The following PDZD2 variants were observed in gnomAD, a reference collection of about 807,000 sequenced individuals.
PDZD2 encodes the protein PDZ domain containing 2, also known as PDZ domain-containing protein 2.
PDZD2 carries 90 observed loss-of-function variants against 220.7 expected under a neutral mutation model. The ratio of observed to expected loss-of-function variants is 0.41; its 90% confidence interval spans 0.34 to 0.49. The LOEUF (loss-of-function observed/expected upper bound fraction) is 0.49. Ranked by LOEUF, PDZD2 falls within the 20% of genes least tolerant of loss-of-function variation. PDZD2 has a pLI of 0.28. For synonymous variants in PDZD2, 1,375 were observed against 1,450.5 expected, an observed-to-expected ratio of 0.95 and a Z score of 1.18; for missense variants, 3,174 against 3,608.5, an observed-to-expected ratio of 0.88 and a Z score of 3.08.
At chr5:31,661,785 G>GTT (rs5867089) in intron 1 of PDZD2, among the ~76,000 whole-genome samples, 11,428 of 141,766 alleles carry the variant, frequency 0.081, 684 homozygotes, top group African/African-American at 0.17. Flanking sequence ...TCCTCCCTTG[G>GTT]TTTTTTTTTT....
intron 6 of PDZD2, among the ~76,000 whole-genome samples, chr5:32,027,945 G>A (rs867207021): frequency 2.7e-5 from 4 of 148,274 alleles, no homozygotes; most frequent in East Asian, 2.0e-4. Context: ...AAGGGAAATC[G>A]CTGCGTTCCA....
intron 1 of PDZD2, among the ~76,000 whole-genome samples, chr5:31,647,810 A>T (rs888976124): frequency 6.6e-6 from 1 of 152,214 alleles, no homozygotes; most frequent in African/African-American, 2.4e-5. Flanking sequence ...TCAACACAGT[A>T]CAACCCCTTT....
At chr5:31,898,681 C>T (rs1741795819) in intron 2 of PDZD2, among the ~76,000 whole-genome samples, 1 of 152,174 alleles carries the variant, frequency 6.6e-6, no homozygotes, top group South Asian at 2.1e-4. Context: ...CTTCCTGAGC[C>T]AACCCTTTTC....
At chr5:31,936,663 G>C (rs1369527138) in intron 2 of PDZD2, among the ~76,000 whole-genome samples, 1 of 152,134 alleles carries the variant, frequency 6.6e-6, no homozygotes, top group Non-Finnish European at 1.5e-5. Context: ...CAGACACTGT[G>C]TTTTAGAACA....
rs111460474 is a variant in PDZD2, at chr5:32,026,325, C to T, written c.1408-10906C>T. On this transcript the variant is annotated intron_variant, in intron 6 of 24. Transcript: ENST00000438447. ...CTAGATTTTGTATTTTTTGTAGAGACGGGGTCTTGTGATGTTGCCCAGGCT... is the reference window on the plus strand; with the variant it reads ...CTAGATTTTGTATTTTTTGTAGAGATGGGGTCTTGTGATGTTGCCCAGGCT... 8.7e-3 allele frequency among the ~76,000 whole-genome samples: 1,324 copies of T among 152,052 alleles called. 22 individuals carry two copies. The highest frequency in any genetic ancestry group is 0.03 in the African/African-American group (1,256 of 41,490).
chr5:31,849,735 T>C lies in PDZD2; in HGVS notation c.476+50011T>C, dbSNP rs1236331377. Among the ~76,000 whole-genome samples the C allele has an allele frequency of 1.2e-4, 18 of 150,974 alleles. No individual in the cohort carries two copies. In the Admixed American group the frequency reaches 1.2e-3, roughly 10 times the overall value. On this transcript the variant is annotated intron_variant, in intron 2 of 24. Coordinates refer to ENST00000438447, the MANE Select transcript of PDZD2 (RefSeq NM_178140.4). ...GGCGTGCGCCTGTAATCCCAGCTAC[T>C]ATGGAGGCTGAGGCAGGAGAATTGC... is the stretch of plus-strand genomic sequence containing the variant.
chr5:31,814,621 G>C (rs755770274), intron 2 of PDZD2, among the ~76,000 whole-genome samples: 1 of 152,148 alleles, frequency 6.6e-6, no homozygotes, highest in South Asian at 2.1e-4. Context: ...TCAGGAGTTC[G>C]AGACCAGCCA....
chr5:31,663,536 G>A (rs530519515), intron 1 of PDZD2, among the ~76,000 whole-genome samples: 4 of 152,244 alleles, frequency 2.6e-5, no homozygotes, highest in African/African-American at 7.2e-5. Flanking sequence ...TTTAAGAAGC[G>A]TGCCTTCTCT....
chr5:31,917,782 G>A (rs886408801), intron 2 of PDZD2, among the ~76,000 whole-genome samples: 3 of 151,952 alleles, frequency 2.0e-5, no homozygotes, highest in Admixed American at 1.3e-4. Flanking sequence ...TCGCTCTGTC[G>A]CCCAGGCTGG....
intron 2 of PDZD2, among the ~76,000 whole-genome samples, chr5:31,808,328 C>T (rs1754859589): frequency 6.6e-6 from 1 of 152,170 alleles, no homozygotes; most frequent in Admixed American, 6.5e-5. Flanking sequence ...ATTTCCCTTA[C>T]CGGTTAAAAC....
chr5:31,714,593 T>TC (rs1193390922), intron 1 of PDZD2, among the ~76,000 whole-genome samples: 1 of 152,154 alleles, frequency 6.6e-6, no homozygotes, highest in Non-Finnish European at 1.5e-5. Flanking sequence ...CTAATGTTTA[T>TC]CCGGTGCTTA....
intron 2 of PDZD2, among the ~76,000 whole-genome samples, chr5:31,819,041 C>A (rs1174713229): frequency 1.3e-5 from 2 of 152,204 alleles, no homozygotes; most frequent in Non-Finnish European, 2.9e-5. Context: ...GTTCAGACCT[C>A]CATTCTTTTG....
At chr5:31,777,785 G>A (rs1752791137) in intron 1 of PDZD2, among the ~76,000 whole-genome samples, 3 of 152,212 alleles carry the variant, frequency 2.0e-5, no homozygotes, top group Admixed American at 1.3e-4. Context: ...CTAGCTTGGG[G>A]TTGGTGGATG....
chr5:31,892,587 T>G (rs1561547231), intron 2 of PDZD2, among the ~76,000 whole-genome samples: 1 of 150,800 alleles, frequency 6.6e-6, no homozygotes, highest in African/African-American at 2.4e-5. Context: ...GGGGGTGGTG[T>G]AGGGGAGTCT....
At chr5:31,742,176 C>T (rs977169103) in intron 1 of PDZD2, 1 of 152,204 alleles carries the variant, frequency 6.6e-6, no homozygotes, top group Non-Finnish European at 1.5e-5. Flanking sequence ...TCTGTAGCCA[C>T]ACATAAGAAG....
At chr5:31,900,623 C>G (rs1224669826) in intron 2 of PDZD2, among the ~76,000 whole-genome samples, 1 of 152,122 alleles carries the variant, frequency 6.6e-6, no homozygotes, top group Non-Finnish European at 1.5e-5. Flanking sequence ...AAGGCCCTGC[C>G]GAGAGGCAAT....
intron 1 of PDZD2, among the ~76,000 whole-genome samples, chr5:31,739,910 T>A (rs1160343640): frequency 1.3e-5 from 2 of 152,190 alleles, no homozygotes; most frequent in Non-Finnish European, 1.5e-5. Flanking sequence ...CTGGTGAAGC[T>A]TTCCTGGGTG....
chr5:31,762,252 G>A (rs1751697089), intron 1 of PDZD2, among the ~76,000 whole-genome samples: 1 of 152,180 alleles, frequency 6.6e-6, no homozygotes, highest in Admixed American at 6.5e-5. Flanking sequence ...CCACAGCTGA[G>A]ATACGGGCAC....
At chr5:31,787,380 G>A (rs948797214) in intron 1 of PDZD2, among the ~76,000 whole-genome samples, 2 of 152,268 alleles carry the variant, frequency 1.3e-5, no homozygotes, top group East Asian at 1.9e-4. Context: ...GTCTTAAACC[G>A]CAGAGCTCAC....
Sources: allele counts gnomAD v4.1 joint callset (sites outside exome capture counted in the v4.1 genomes callset), GRCh38; gene constraint gnomAD v4.1.1; transcripts MANE v1.5; gene names NCBI Gene and HGNC (gene_info 2026-07-23, HGNC 2026-07-21).